PIBF1: variants seen among roughly 807,000 people sequenced by gnomAD.
The protein encoded by PIBF1 is progesterone-induced-blocking factor 1.
A neutral mutation model predicts 112.5 loss-of-function variants in PIBF1; 90 were observed. The observed-to-expected ratio is 0.80, with a 90% CI of 0.67 to 0.95. The LOEUF (loss-of-function observed/expected upper bound fraction) is 0.95. PIBF1 is among the 40% of genes least tolerant of loss of function. PIBF1 has a pLI of 0.00. For synonymous variants in PIBF1, 301 were observed against 288.6 expected (o/e 1.04, Z -0.44); for missense variants, 915 against 852.3 (o/e 1.07, Z -0.92).
chr13:72,912,106 G>A (rs2040916533), intron 12 of PIBF1, among the ~76,000 whole-genome samples: 1 of 152,098 alleles, frequency 6.6e-6, no homozygotes, highest in Non-Finnish European at 1.5e-5. Context: ...TGAAAAAGCT[G>A]GAAAAGGCAA....
chr13:72,916,842 A>G (rs1180785418), intron 12 of PIBF1, among the ~76,000 whole-genome samples: 3 of 152,160 alleles, frequency 2.0e-5, no homozygotes, highest in Non-Finnish European at 2.9e-5. Flanking sequence ...AAAACCTAAC[A>G]TGATATGATG....
At chr13:72,927,964 T>TATATATATATATATATATATATATAC (rs2041554169) in intron 13 of PIBF1, among the ~76,000 whole-genome samples, 1 of 82,150 alleles carries the variant, frequency 1.2e-5, no homozygotes, top group Admixed American at 1.2e-4. Flanking sequence ...TATATACACA[T>TATATATATATATATATATATATATAC]ATATATATAT....
intron 3 of PIBF1, among the ~76,000 whole-genome samples, chr13:72,794,588 T>C (rs866593802): frequency 1.1e-4 from 16 of 152,194 alleles, no homozygotes; most frequent in African/African-American, 3.9e-4. Flanking sequence ...TTTCCCATGC[T>C]GTTCTCATGA....
chr13:72,946,662 C>T (rs1177446886), intron 14 of PIBF1, among the ~76,000 whole-genome samples: 1 of 152,148 alleles, frequency 6.6e-6, no homozygotes, highest in Admixed American at 6.5e-5. Flanking sequence ...GTAAATACAC[C>T]CATTTCAAGT....
chr13:73,012,575 C>CACCA (rs2044235230), intron 17 of PIBF1, among the ~76,000 whole-genome samples: 1 of 147,534 alleles, frequency 6.8e-6, no homozygotes, highest in Non-Finnish European at 1.5e-5. Context: ...ACACACACAC[C>CACCA]AAAAAAAACA....
At chr13:72,896,757 GA>G (rs2040296954) in intron 11 of PIBF1, among the ~76,000 whole-genome samples, 1 of 152,064 alleles carries the variant, frequency 6.6e-6, no homozygotes, top group Non-Finnish European at 1.5e-5. Context: ...AAAGAAAAAA[GA>G]ATATGAAAAT....
At chr13:72,861,007 A>G (rs2038670336) in intron 10 of PIBF1, among the ~76,000 whole-genome samples, 2 of 152,230 alleles carry the variant, frequency 1.3e-5, no homozygotes, top group South Asian at 2.1e-4. Flanking sequence ...TTGTAGTAGA[A>G]TAAATTGAAT....
intron 15 of PIBF1, among the ~76,000 whole-genome samples, chr13:72,971,229 C>T (rs1172277545): frequency 6.9e-6 from 1 of 144,222 alleles, no homozygotes; most frequent in Non-Finnish European, 1.5e-5. Flanking sequence ...TGTGTATGCA[C>T]TGAATGTGAG....
chr13:72,951,470 G>A (rs1243245654), intron 14 of PIBF1, among the ~76,000 whole-genome samples: 1 of 152,102 alleles, frequency 6.6e-6, no homozygotes, highest in East Asian at 1.9e-4. Context: ...AAATGCAGGG[G>A]TTTATTTTTT....
intron 10 of PIBF1, among the ~76,000 whole-genome samples, chr13:72,885,133 T>G (rs545367167): frequency 2.2e-4 from 34 of 152,308 alleles, no homozygotes; most frequent in African/African-American, 7.9e-4. Context: ...ATTTCTTTTT[T>G]GTAAGTATTT....
chr13:72,852,862 G>A (rs2038229583), intron 9 of PIBF1, among the ~76,000 whole-genome samples: 1 of 152,138 alleles, frequency 6.6e-6, no homozygotes, highest in East Asian at 1.9e-4. Context: ...CCTGGCTTTG[G>A]AGTAAGAAAT....
At chr13:72,908,433 T>C in intron 11 of PIBF1, 98 bp from the exon 12 acceptor site, 1 of 555,508 alleles carries the variant, frequency 1.8e-6, no homozygotes, top group Admixed American at 3.9e-5. Context: ...AATATTTAAA[T>C]AACAAAAAAA....
At chr13:72,955,911 A>G (rs992465314) in intron 14 of PIBF1, among the ~76,000 whole-genome samples, 5 of 152,172 alleles carry the variant, frequency 3.3e-5, no homozygotes, top group African/African-American at 9.6e-5. Context: ...TTTGTCAGCC[A>G]TCTGAGTACT....
intron 11 of PIBF1, among the ~76,000 whole-genome samples, chr13:72,904,671 C>T (rs1230098754): frequency 2.0e-5 from 3 of 151,584 alleles, no homozygotes; most frequent in Admixed American, 6.6e-5. Context: ...AAACTCCTGA[C>T]CTCAGGTGAT....
chr13:72,983,014 T>C (rs1449713538), intron 16 of PIBF1, among the ~76,000 whole-genome samples: 1 of 152,196 alleles, frequency 6.6e-6, no homozygotes, highest in African/African-American at 2.4e-5. Flanking sequence ...TACAGAATCA[T>C]ATATATTTGT....
intron 17 of PIBF1, among the ~76,000 whole-genome samples, chr13:73,010,602 G>GA (rs2044166815): frequency 6.6e-6 from 1 of 151,652 alleles, no homozygotes; most frequent in South Asian, 2.1e-4. Context: ...GACTTCATCT[G>GA]AAAATAAATA....
In PIBF1 at chr13:72,835,289, G is replaced by C. The variant is rs1400950384; in HGVS notation, c.1144G>C (p.Glu382Gln). ...EYENKLHDEL[E>Q]QIRLKTNQEI... ...TGAAAATAAACTACATGATGAACTA[G>C]AACAAATCAGATTGAAAACCAACCA... The change falls in exon 9 of 18, where the codon GAA (glutamate) becomes CAA (glutamine). Residue 382 changes from glutamate (E) to glutamine (Q), a missense_variant. Transcript: ENST00000326291. 1 of 1,592,296 alleles carries C rather than the reference G, an allele frequency of 6.3e-7. No homozygotes were observed. The highest frequency in any genetic ancestry group is 8.6e-7 in the Non-Finnish European group (1 of 1,169,276).
At chr13:72,975,178 C>T (rs933090259) in intron 16 of PIBF1, among the ~76,000 whole-genome samples, 2 of 151,556 alleles carry the variant, frequency 1.3e-5, no homozygotes, top group African/African-American at 4.9e-5. Flanking sequence ...GGCTTAACCT[C>T]CTGAGTACCC....
chr13:73,007,763 C>T (rs1174201357), intron 17 of PIBF1, among the ~76,000 whole-genome samples: 2 of 150,188 alleles, frequency 1.3e-5, no homozygotes, highest in Middle Eastern at 3.2e-3. Flanking sequence ...GAGACAAGAT[C>T]GCACTGTTGC....
Sources: allele counts gnomAD v4.1 joint callset (sites outside exome capture counted in the v4.1 genomes callset), GRCh38; gene constraint gnomAD v4.1.1; transcripts MANE v1.5; gene names NCBI Gene and HGNC (gene_info 2026-07-23, HGNC 2026-07-21).